FGF14: variants seen among roughly 807,000 people sequenced by gnomAD.
FGF14 encodes the protein fibroblast growth factor 14.
In FGF14, 5 loss-of-function variants were observed where a neutral mutation model predicts 25.5. The observed-to-expected ratio is 0.20, with a 90% CI of 0.10 to 0.41. FGF14 has a LOEUF of 0.41. Among genes scored for constraint, FGF14 ranks in the 10% least tolerant of loss-of-function variants. The pLI is 1.00. For missense variants in FGF14, 222 were observed against 320.1 expected, an observed-to-expected ratio of 0.69 and a Z score of 2.34; for synonymous variants, 138 against 118.3, an observed-to-expected ratio of 1.17 and a Z score of -1.08.
In FGF14 at chr13:101,721,081, G is replaced by GAAAGA. The variant is rs1566811249; in HGVS notation, c.*1745_*1749dup. On this transcript the variant is annotated 3_prime_UTR_variant, in exon 5 of 5. Transcript: ENST00000376143. ...GATGACTGGGTCATCCTCCCACATA[G>GAAAGA]AAAGAATAACAAGAGGCCAGTACAT... The GAAAGA allele has an allele frequency of 1.3e-5, 2 of 152,072 alleles. No homozygotes were observed. The highest frequency in any genetic ancestry group is 2.9e-5 in the Non-Finnish European group (2 of 67,968). The allele number at this position is 152,072 out of a possible 1,614,324, so 9.4% of individuals were successfully genotyped here.
intron 1 of FGF14, among the ~76,000 whole-genome samples, chr13:102,266,039 T>C (rs1283910235): frequency 1.3e-5 from 2 of 152,060 alleles, no homozygotes; most frequent in South Asian, 2.1e-4. Context: ...AAGAAGACTA[T>C]TGCAAAATAC....
intron 1 of FGF14, among the ~76,000 whole-genome samples, chr13:102,076,416 C>T (rs1041769990): frequency 1.4e-4 from 21 of 152,238 alleles, no homozygotes; most frequent in African/African-American, 3.4e-4. Context: ...TGCCACATAG[C>T]GAAGGTGTAT....
In FGF14 at chr13:101,957,879, T is replaced by A. The variant is rs1299626411; in HGVS notation, c.209-82583A>T. On this transcript the variant is annotated intron_variant, in intron 1 of 4. Transcript: ENST00000376131. ...TGTGTTCAAAGGCAGTTACTTCTTA[T>A]CCATCTGACTATGACAAGAAAAAAA... 2.6e-5 allele frequency among the ~76,000 whole-genome samples: 4 copies of A among 151,800 alleles called. No individual in the cohort carries two copies. The East Asian group carries it at 7.7e-4, about 29-fold the overall frequency.
chr13:102,062,419 A>C (rs1019109853), intron 1 of FGF14, among the ~76,000 whole-genome samples: 18 of 152,186 alleles, frequency 1.2e-4, no homozygotes, highest in Non-Finnish European at 1.8e-4. Context: ...AGCAGCAAAA[A>C]TACGACTAGT....
chr13:102,358,936 T>C (rs926289694), intron 1 of FGF14, among the ~76,000 whole-genome samples: 1 of 152,096 alleles, frequency 6.6e-6, no homozygotes, highest in African/African-American at 2.4e-5. Flanking sequence ...CCATCAGTGA[T>C]AAACTGGATA....
intron 1 of FGF14, among the ~76,000 whole-genome samples, chr13:102,150,329 T>C (rs2047029589): frequency 4.0e-5 from 6 of 151,812 alleles, no homozygotes. Context: ...GAAGTAAACA[T>C]TGTGACATAG....
chr13:102,274,883 G>C (rs962706603), intron 1 of FGF14, among the ~76,000 whole-genome samples: 1 of 150,508 alleles, frequency 6.6e-6, no homozygotes, highest in Non-Finnish European at 1.5e-5. Context: ...GTTTTTACTC[G>C]TCATTATTTA....
chr13:101,998,995 A>G (rs936443104), intron 1 of FGF14, among the ~76,000 whole-genome samples: 1 of 152,180 alleles, frequency 6.6e-6, no homozygotes, highest in African/African-American at 2.4e-5. Context: ...TAAGAGGTTC[A>G]CCTATTTATT....
At chr13:101,753,571 G>A (rs1372513502) in intron 3 of FGF14, among the ~76,000 whole-genome samples, 1 of 152,104 alleles carries the variant, frequency 6.6e-6, no homozygotes, top group East Asian at 1.9e-4. Context: ...TTGGGAGGCT[G>A]AGGCAGGCGC....
intron 3 of FGF14, among the ~76,000 whole-genome samples, chr13:101,839,641 G>A (rs1258915354): frequency 1.3e-5 from 2 of 151,982 alleles, no homozygotes; most frequent in Non-Finnish European, 2.9e-5. Flanking sequence ...ATGAGGTATC[G>A]TAATTCAAAT....
At chr13:102,156,909 T>G (rs959553467) in intron 1 of FGF14, among the ~76,000 whole-genome samples, 1 of 152,216 alleles carries the variant, frequency 6.6e-6, no homozygotes, top group African/African-American at 2.4e-5. Flanking sequence ...CATTCACAAC[T>G]GCTTCAAAGA....
chr13:101,719,826 G>C lies in FGF14; in HGVS notation c.*3005C>G, dbSNP rs1042082069. The C allele has an allele frequency of 1.3e-5, 2 of 151,976 alleles. No individual in the cohort carries two copies. Among genetic ancestry groups the C allele is most frequent in the African/African-American group, 4.8e-5 (2 of 41,394 alleles). The allele number at this position is 151,976 out of a possible 1,614,324, so 9.4% of individuals were successfully genotyped here. A position where few individuals can be genotyped will look rare whatever the true frequency, so the allele number is the denominator to read the frequency against. Reference sequence around the variant, plus strand: ...ACTATACGGAACATCAGTAGTGACAGATTGCACTTCTTACTTAATAACAGC... The same window carrying C: ...ACTATACGGAACATCAGTAGTGACACATTGCACTTCTTACTTAATAACAGC... On this transcript the variant is annotated 3_prime_UTR_variant, in exon 5 of 5. Coordinates refer to ENST00000376143, the MANE Select transcript of FGF14 (RefSeq NM_004115.4).
intron 1 of FGF14, among the ~76,000 whole-genome samples, chr13:102,237,512 G>T (rs2051383739): frequency 6.6e-6 from 1 of 151,222 alleles, no homozygotes. Flanking sequence ...CTGTTACTTT[G>T]GTGCAAACCC....
At chr13:102,367,780 T>A (rs2057757228) in intron 1 of FGF14, 1 of 151,304 alleles carries the variant, frequency 6.6e-6, no homozygotes, top group African/African-American at 2.5e-5. Flanking sequence ...TTCTCATTTT[T>A]AAAATGGGGG....
chr13:101,801,881 GC>G (rs1399474590), intron 3 of FGF14: 1 of 379,702 alleles, frequency 2.6e-6, no homozygotes, highest in African/African-American at 2.1e-5. Context: ...AGTCAGGATG[GC>G]TAAAGGTGAC....
At chr13:102,037,495 C>T (rs138023370) in intron 1 of FGF14, among the ~76,000 whole-genome samples, 1 of 152,166 alleles carries the variant, frequency 6.6e-6, no homozygotes, top group Non-Finnish European at 1.5e-5. Context: ...TAATGAGCTG[C>T]TTGGATAATC....
intron 1 of FGF14, among the ~76,000 whole-genome samples, chr13:102,359,992 T>G (rs969728131): frequency 6.7e-6 from 1 of 149,458 alleles, no homozygotes; most frequent in South Asian, 2.1e-4. Flanking sequence ...AATAAAAATA[T>G]AATTTCAACC....
intron 1 of FGF14, among the ~76,000 whole-genome samples, chr13:102,337,009 T>A (rs1298187163): frequency 6.6e-6 from 1 of 152,218 alleles, no homozygotes; most frequent in East Asian, 1.9e-4. Context: ...GTACAGGAGA[T>A]TAATGTTGTT....
chr13:101,739,109 A>ATG (rs1491505675), intron 3 of FGF14, among the ~76,000 whole-genome samples: 2 of 55,246 alleles, frequency 3.6e-5, no homozygotes, highest in African/African-American at 1.0e-4. Context: ...ATATATATAC[A>ATG]TGTATATATA....
Sources: gnomAD v4.1 joint callset for allele counts (sites outside exome capture counted in the v4.1 genomes callset) on GRCh38, gnomAD v4.1.1 for gene constraint, MANE v1.5 for transcripts, NCBI Gene and HGNC (gene_info 2026-07-23, HGNC 2026-07-21) for gene names.